Variants in CEP170B observed in about 807,000 individuals in gnomAD.
CEP170B encodes the protein centrosomal protein of 170 kDa protein B.
Under a neutral mutation model 120.6 loss-of-function variants are expected in CEP170B, and 55 were observed. That is an observed-to-expected ratio of 0.46 (90% CI 0.37 to 0.57). The LOEUF (loss-of-function observed/expected upper bound fraction) is 0.57, where lower values mean the gene tolerates loss of function less well. Among genes scored for constraint, CEP170B ranks in the 20% least tolerant of loss-of-function variants. The pLI is 0.00. For missense variants in CEP170B, 2,212 were observed against 2,253.3 expected (o/e 0.98, Z 0.37); for synonymous variants, 1,033 against 954.5 (o/e 1.08, Z -1.52).
At chr14:104,869,656 G>T (rs1895371115) in intron 2 of CEP170B, among the ~76,000 whole-genome samples, 1 of 152,180 alleles carries the variant, frequency 6.6e-6, no homozygotes, top group African/African-American at 2.4e-5. Flanking sequence ...GGTGAGCAGG[G>T]CGTGAGGCTT....
chr14:104,894,252 C>G, intron 16 of CEP170B, 33 bp from the exon 17 acceptor site: 15 of 1,484,366 alleles, frequency 1.0e-5, no homozygotes, highest in Non-Finnish European at 1.4e-5. Flanking sequence ...CTGTCCTTGT[C>G]CCCCCATTTC....
chr14:104,889,165 C>T (rs1896664940), intron 12 of CEP170B, among the ~76,000 whole-genome samples: 1 of 152,208 alleles, frequency 6.6e-6, no homozygotes, highest in Non-Finnish European at 1.5e-5. Context: ...GCAGCAGGTC[C>T]TGGTGGGGAG....
intron 11 of CEP170B, 70 bp from the exon 12 acceptor site, chr14:104,886,205 C>A: frequency 6.8e-7 from 1 of 1,469,704 alleles, no homozygotes. Context: ...CGGACACAGG[C>A]TGCCTCTTCC....
chr14:104,886,264 G>A lies in CEP170B; in HGVS notation c.2036-11G>A, dbSNP rs1270713608. ...AGCGGCCCTCTAACCGGCTGCCTTTGTGCTCCACAGAGGATGGCCTGGGAC... is the reference window on the plus strand; with the variant it reads ...AGCGGCCCTCTAACCGGCTGCCTTTATGCTCCACAGAGGATGGCCTGGGAC... On this transcript the variant is annotated splice_polypyrimidine_tract_variant and intron_variant, in intron 11 of 18. Transcript: ENST00000414716. The A allele has an allele frequency of 5.3e-6, 8 of 1,513,488 alleles. No individual in the cohort carries two copies. The highest frequency in any genetic ancestry group is 7.0e-6 in the Non-Finnish European group (8 of 1,135,824). 93.8% of individuals were successfully genotyped at this position (1,513,488 alleles called of 1,614,324 possible). A position where few individuals can be genotyped will look rare whatever the true frequency, so the allele number is the denominator to read the frequency against.
At chr14:104,874,689 C>T (rs889000668) in intron 2 of CEP170B, among the ~76,000 whole-genome samples, 2 of 150,656 alleles carry the variant, frequency 1.3e-5, no homozygotes, top group African/African-American at 2.4e-5. Context: ...TGCAGTCCTC[C>T]CCTCAGTCCT....
rs200725057 is a variant in CEP170B at position 104,883,210 on chromosome 14, T to C, written c.753T>C (p.Asp251=). ...CGGCACACGAGATGCCCACGAAGGA[T>C]GCAGAGGCAGGTGGGGGCGGAGCGG... The part of the protein sequence containing the change: ...EVPAHEMPTK[D]AEAGGGGAAP... The change falls in exon 8 of 19, where the codon GAT becomes GAC. Residue 251 remains aspartate, a synonymous_variant. Coordinates refer to ENST00000414716, the MANE Select transcript of CEP170B (RefSeq NM_001112726.3). 1.9e-3 allele frequency: 3,095 copies of C among 1,609,522 alleles called. 3 individuals are homozygous for C. The highest frequency in any genetic ancestry group is 2.4e-3 in the Non-Finnish European group (2,888 of 1,178,868).
Position 104,887,521 on chromosome 14 carries a change from G to A in CEP170B, c.3282G>A (p.Glu1094=). Residue 1094 remains glutamate (E), a synonymous_variant, in exon 12 of 19, where the codon GAG becomes GAA. Transcript: ENST00000414716. ...APPPSPAARE[E]QSRSSASSQK... is the part of the protein sequence containing the mutation. ...CGCCATCCCCAGCTGCCCGGGAGGA[G>A]CAGAGCCGTAGCTCAGCCAGCTCCC... is the stretch of plus-strand genomic sequence containing the variant. 1.2e-6 allele frequency: 2 copies of A among 1,611,420 alleles called. No individual in the cohort carries two copies. The highest frequency in any genetic ancestry group is 1.3e-5 in the African/African-American group (1 of 75,062).
Position 104,895,017 on chromosome 14 carries a change from C to T in CEP170B, c.*59C>T, listed in dbSNP as rs900540200. 8.3e-6 allele frequency: 12 copies of T among 1,452,286 alleles called. No homozygotes were observed. In the East Asian group the frequency reaches 1.5e-4, roughly 18 times the overall value. 90.0% of individuals were successfully genotyped at this position (1,452,286 alleles called of 1,614,324 possible). On this transcript the variant is annotated 3_prime_UTR_variant, in exon 19 of 19. Coordinates refer to ENST00000414716, the MANE Select transcript of CEP170B (RefSeq NM_001112726.3). ...GTGTGCGTCTCTGCCTTCCGTCCGC[C>T]GCACACCCGCCTGCCTGGCCGCAGG... is the stretch of plus-strand genomic sequence containing the variant.
Position 104,887,909 on chromosome 14 carries a change from A to AT in CEP170B, c.3670_3671insT (p.Thr1224IlefsTer50). On this transcript the variant is annotated frameshift_variant, in exon 12 of 19. Coordinates refer to ENST00000414716, the MANE Select transcript of CEP170B (RefSeq NM_001112726.3). LOFTEE classifies it high-confidence loss of function. ...GGCTGTCTCCAGGAAGGCTGCCAAC[A>AT]CAGCCACCACCACGGGTCCCCGCCA... The AT allele has an allele frequency of 6.4e-7, 1 of 1,552,890 alleles. No homozygotes were observed. Among genetic ancestry groups the AT allele is most frequent in the Non-Finnish European group, 8.7e-7 (1 of 1,154,160 alleles).
intron 9 of CEP170B, among the ~76,000 whole-genome samples, chr14:104,885,027 G>A (rs1446041199): frequency 1.0e-4 from 14 of 139,864 alleles, no homozygotes; most frequent in Admixed American, 3.6e-4. Context: ...CGGGGGTGGC[G>A]AGTGAGAGTA....
chr14:104,889,714 T>A lies in CEP170B; in HGVS notation c.3834T>A (p.Pro1278=). 2 of 1,610,286 alleles carry A rather than the reference T, an allele frequency of 1.2e-6. No homozygotes were observed. Among genetic ancestry groups the A allele is most frequent in the Non-Finnish European group, 1.7e-6 (2 of 1,178,290 alleles). ...ACGACGATGAGGAGGAGCCTGACCC[T>A]TATGGTTTCATCGTGCAGACGGCAG... ...DTDDDEEEPD[P]YGFIVQTAEI... is the part of the protein sequence containing the mutation. The change falls in exon 13 of 19, where the codon CCT becomes CCA. Residue 1278 remains proline (P), a synonymous_variant. Coordinates refer to ENST00000414716, the MANE Select transcript of CEP170B (RefSeq NM_001112726.3).
At chr14:104,872,704 G>A (rs1054435058) in intron 2 of CEP170B, among the ~76,000 whole-genome samples, 1 of 152,140 alleles carries the variant, frequency 6.6e-6, no homozygotes, top group South Asian at 2.1e-4. Context: ...CATCGAGCCG[G>A]TCTGCTGCGG....
rs780249886 is a variant in CEP170B, at chr14:104,885,513, C to T, written c.1915C>T (p.Leu639=). Residue 639 remains leucine (L), a synonymous_variant, in exon 10 of 19, where the codon CTG becomes TTG. Transcript: ENST00000414716. ...ALLQEFASRP[L]GAAPQAEHQG... ...ACTGCAGGAGTTTGCCTCCCGGCCA[C>T]TGGGTGCGGCCCCCCAGGCGGAGCA... 9 of 1,566,622 alleles carry T rather than the reference C, an allele frequency of 5.7e-6. No homozygotes were observed. The highest frequency in any genetic ancestry group is 6.9e-6 in the Non-Finnish European group (8 of 1,158,718).
intron 2 of CEP170B, among the ~76,000 whole-genome samples, chr14:104,869,199 C>T (rs888933280): frequency 2.6e-5 from 4 of 152,148 alleles, no homozygotes; most frequent in Non-Finnish European, 2.9e-5. Context: ...TGAGCTAACC[C>T]CATAGGCCCA....
chr14:104,868,367 C>G lies in CEP170B; in HGVS notation c.-27-57C>G. 7.9e-7 allele frequency: 1 copy of G among 1,262,522 alleles called. No individual in the cohort carries two copies. The highest frequency in any genetic ancestry group is 1.1e-6 in the Non-Finnish European group (1 of 901,382). 78.2% of individuals were successfully genotyped at this position (1,262,522 alleles called of 1,614,324 possible). A position where few individuals can be genotyped will look rare whatever the true frequency, so the allele number is the denominator to read the frequency against. Reference sequence around the variant, plus strand: ...GATCTGGGCTGGGCCTTGGATGTGTCCAGGGGGCTAAGAACCAGGCCAGGG... The same window carrying G: ...GATCTGGGCTGGGCCTTGGATGTGTGCAGGGGGCTAAGAACCAGGCCAGGG... On this transcript the variant is annotated intron_variant, in intron 1 of 18. Transcript: ENST00000414716. This position sits in a 1 kb window ranked among gnomAD's most constrained non-coding sequence, Gnocchi z 5.9.
At chr14:104,873,640 C>T (rs1383452618) in intron 2 of CEP170B, among the ~76,000 whole-genome samples, 1 of 151,926 alleles carries the variant, frequency 6.6e-6, no homozygotes, top group African/African-American at 2.4e-5. Flanking sequence ...CTCTCGAGGC[C>T]CAGCGGGTCT....
At chr14:104,878,803 G>C (rs535037964) in intron 5 of CEP170B, among the ~76,000 whole-genome samples, 1 of 152,378 alleles carries the variant, frequency 6.6e-6, no homozygotes, top group East Asian at 1.9e-4. Flanking sequence ...CCTGGGAGGA[G>C]CCGGGCTGCA....
At position 104,886,655 on chromosome 14, in the gene CEP170B, G is replaced by T; in HGVS notation, c.2416G>T (p.Ala806Ser). Reference protein sequence around the residue: ...SFFIGDQNGDAVLSRKPLAAP... With the variant: ...SFFIGDQNGDSVLSRKPLAAP... The stretch of plus-strand genomic sequence containing the variant: ...CTTCATTGGGGACCAGAATGGGGAC[G>T]CTGTGTTATCTAGGAAACCGCTTGC... The change falls in exon 12 of 19, where the codon GCT becomes TCT. Residue 806 changes from alanine to serine, a missense_variant. Coordinates refer to ENST00000414716, the MANE Select transcript of CEP170B (RefSeq NM_001112726.3). The T allele has an allele frequency of 2.6e-6, 4 of 1,532,222 alleles. No homozygotes were observed. Among genetic ancestry groups the T allele is most frequent in the Non-Finnish European group, 3.5e-6 (4 of 1,142,372 alleles). 94.9% of individuals were successfully genotyped at this position (1,532,222 alleles called of 1,614,324 possible).
At chr14:104,873,227 C>T (rs1214425658) in intron 2 of CEP170B, among the ~76,000 whole-genome samples, 2 of 97,594 alleles carry the variant, frequency 2.0e-5, no homozygotes, top group South Asian at 3.8e-4. Context: ...CAGCTGGGCT[C>T]GGGGTGTTAA....
Sources: allele counts gnomAD v4.1 joint callset (sites outside exome capture counted in the v4.1 genomes callset), GRCh38; gene constraint gnomAD v4.1.1; non-coding constraint Gnocchi (gnomAD v3.1); transcripts MANE v1.5; gene names NCBI Gene and HGNC (gene_info 2026-07-23, HGNC 2026-07-21).